ARHGAP24: variants seen among roughly 807,000 people sequenced by gnomAD.
The protein encoded by ARHGAP24 is Rho GTPase activating protein 24, also known as rho GTPase-activating protein 24.
In ARHGAP24, 50 loss-of-function variants were observed where a neutral mutation model predicts 76.4. The observed-to-expected ratio is 0.65, with a 90% confidence interval of 0.52 to 0.83. The LOEUF (loss-of-function observed/expected upper bound fraction) is 0.83, where lower values mean the gene tolerates loss of function less well. ARHGAP24 is among the 40% of genes least tolerant of loss of function. The pLI is 0.00. For missense variants in ARHGAP24, 930 were observed against 914.2 expected (o/e 1.02, Z -0.22); for synonymous variants, 345 against 323.3 (o/e 1.07, Z -0.72).
intron 2 of ARHGAP24, among the ~76,000 whole-genome samples, chr4:85,633,069 T>G (rs971799107): frequency 3.9e-5 from 6 of 151,946 alleles, no homozygotes; most frequent in African/African-American, 1.4e-4. Flanking sequence ...AACCTGGCTA[T>G]TAAAATGCTT....
At chr4:85,541,745 T>A (rs1204438267) in intron 1 of ARHGAP24, among the ~76,000 whole-genome samples, 1 of 144,820 alleles carries the variant, frequency 6.9e-6, no homozygotes, top group Non-Finnish European at 1.5e-5. Context: ...ACGTAATCAC[T>A]GAAACAATAG....
At chr4:85,650,701 T>G (rs547019251) in intron 2 of ARHGAP24, among the ~76,000 whole-genome samples, 1 of 149,334 alleles carries the variant, frequency 6.7e-6, no homozygotes, top group Non-Finnish European at 1.5e-5. Context: ...GTCCCTATAC[T>G]CTATATATTT....
At chr4:85,741,916 C>T (rs558533302) in intron 3 of ARHGAP24, among the ~76,000 whole-genome samples, 14 of 151,904 alleles carry the variant, frequency 9.2e-5, no homozygotes, top group African/African-American at 3.1e-4. Flanking sequence ...AGTTCAAAGA[C>T]CAAAACCAAA....
chr4:85,803,455 C>T (rs1441362580), intron 3 of ARHGAP24, among the ~76,000 whole-genome samples: 1 of 152,212 alleles, frequency 6.6e-6, no homozygotes, highest in Non-Finnish European at 1.5e-5. Flanking sequence ...GAAGGGACAG[C>T]GTAACACTTT....
chr4:85,878,559 G>A (rs1397635850), intron 3 of ARHGAP24, among the ~76,000 whole-genome samples: 1 of 152,056 alleles, frequency 6.6e-6, no homozygotes, highest in Non-Finnish European at 1.5e-5. Context: ...GTCAATCCAA[G>A]CTCAAATAAC....
At chr4:85,641,559 C>CT (rs1205883291) in intron 2 of ARHGAP24, among the ~76,000 whole-genome samples, 3 of 152,164 alleles carry the variant, frequency 2.0e-5, no homozygotes, top group Admixed American at 1.3e-4. Context: ...CTCTCTGAGT[C>CT]TGTGTCCAGA....
chr4:85,879,431 G>A (rs916972022), intron 3 of ARHGAP24, among the ~76,000 whole-genome samples: 2 of 152,144 alleles, frequency 1.3e-5, no homozygotes, highest in South Asian at 2.1e-4. Context: ...GATCAAATTA[G>A]ATGAATTATG....
intron 2 of ARHGAP24, among the ~76,000 whole-genome samples, chr4:85,660,053 G>A (rs2109990820): frequency 6.6e-6 from 1 of 152,222 alleles, no homozygotes; most frequent in South Asian, 2.1e-4. Flanking sequence ...TAAACTCGGT[G>A]GGTTATGTGG....
chr4:85,511,255 A>C lies in ARHGAP24; in HGVS notation c.-21+35696A>C, dbSNP rs556879855. Among the ~76,000 whole-genome samples the C allele has an allele frequency of 3.2e-4, 49 of 152,262 alleles. 1 individual carries two copies. Among genetic ancestry groups the C allele is most frequent in the Non-Finnish European group, 5.6e-4 (38 of 68,020 alleles). ...ATCTTTATGTAACTTGGAATCTAAT[A>C]AAATTGAAAAATTATATCTCTTCTA... On this transcript the variant is annotated intron_variant, in intron 1 of 9. Transcript: ENST00000395184.
intron 4 of ARHGAP24, among the ~76,000 whole-genome samples, chr4:85,935,093 C>G (rs1382586090): frequency 6.6e-6 from 1 of 152,192 alleles, no homozygotes; most frequent in African/African-American, 2.4e-5. Flanking sequence ...GACCAACATC[C>G]TCTTTAAAAT....
At position 85,789,984 on chromosome 4, in the gene ARHGAP24, C is replaced by T. The variant is rs77823223; in HGVS notation, c.268+68012C>T. On this transcript the variant is annotated intron_variant, in intron 3 of 9. Transcript: ENST00000395184. Reference sequence around the variant, plus strand: ...GACTTTACATATCCTTTCCTCTTTTCTTCTCTCAATAAAGCTGTGTACATT... The same window carrying T: ...GACTTTACATATCCTTTCCTCTTTTTTTCTCTCAATAAAGCTGTGTACATT... Among the ~76,000 whole-genome samples, 796 of 152,026 alleles carry T rather than the reference C, an allele frequency of 5.2e-3. 6 individuals carry two copies. Among genetic ancestry groups the T allele is most frequent in the African/African-American group, 0.018 (758 of 41,446 alleles).
intron 2 of ARHGAP24, among the ~76,000 whole-genome samples, chr4:85,710,402 A>AT (rs1486378863): frequency 6.6e-6 from 1 of 152,210 alleles, no homozygotes; most frequent in African/African-American, 2.4e-5. Flanking sequence ...AGGCAATATC[A>AT]TTCTGGACAT....
At chr4:85,690,871 T>A (rs1185474686) in intron 2 of ARHGAP24, among the ~76,000 whole-genome samples, 1 of 152,084 alleles carries the variant, frequency 6.6e-6, no homozygotes, top group Non-Finnish European at 1.5e-5. Context: ...TTTCTTTTCT[T>A]CTAATAGCTT....
chr4:85,996,023 G>C (rs1345556975), intron 9 of ARHGAP24, among the ~76,000 whole-genome samples: 1 of 152,210 alleles, frequency 6.6e-6, no homozygotes, highest in Non-Finnish European at 1.5e-5. Flanking sequence ...TTAGGAGCCT[G>C]TTAGTTTTCA....
chr4:85,591,641 G>A (rs912071097), intron 2 of ARHGAP24, among the ~76,000 whole-genome samples: 2 of 152,180 alleles, frequency 1.3e-5, no homozygotes, highest in South Asian at 4.1e-4. Flanking sequence ...ATTAGTTAAA[G>A]TATTAGCTTG....
intron 3 of ARHGAP24, among the ~76,000 whole-genome samples, chr4:85,762,307 C>T (rs766744118): frequency 3.9e-5 from 6 of 152,096 alleles, no homozygotes; most frequent in Non-Finnish European, 8.8e-5. Flanking sequence ...TAATATTTGA[C>T]TCTGTAAGCA....
Position 85,594,604 on chromosome 4 carries a change from A to T in ARHGAP24, c.180+23883A>T, listed in dbSNP as rs556183369. On this transcript the variant is annotated intron_variant, in intron 2 of 9. Coordinates refer to ENST00000395184, the MANE Select transcript of ARHGAP24 (RefSeq NM_001025616.3). ...TCAAAAGCCATTGAATTGCCTTCTA[A>T]TTAGTATAAAAAAAGGGAATCTTAC... 2.2e-4 allele frequency among the ~76,000 whole-genome samples: 33 copies of T among 152,160 alleles called. 1 individual carries two copies. The highest frequency in any genetic ancestry group is 1.2e-3 in the Admixed American group (19 of 15,256).
chr4:85,565,248 T>C (rs763047754), intron 1 of ARHGAP24, among the ~76,000 whole-genome samples: 3 of 152,012 alleles, frequency 2.0e-5, no homozygotes, highest in African/African-American at 4.8e-5. Flanking sequence ...CTCTCTGCAG[T>C]TATATACTGT....
chr4:85,597,704 A>G (rs1022116727), intron 2 of ARHGAP24, among the ~76,000 whole-genome samples: 2 of 151,958 alleles, frequency 1.3e-5, no homozygotes, highest in African/African-American at 4.8e-5. Flanking sequence ...AATGTTACAT[A>G]TTTAAATAGG....
Sources: gnomAD v4.1 joint callset for allele counts (sites outside exome capture counted in the v4.1 genomes callset) on GRCh38, gnomAD v4.1.1 for gene constraint, MANE v1.5 for transcripts, NCBI Gene and HGNC (gene_info 2026-07-23, HGNC 2026-07-21) for gene names.